DPP10: variants seen among roughly 807,000 people sequenced by gnomAD.
DPP10 encodes inactive dipeptidyl peptidase 10.
Under a neutral mutation model 120.9 loss-of-function variants are expected in DPP10, and 33 were observed. The ratio of observed to expected loss-of-function variants is 0.27; its 90% confidence interval spans 0.21 to 0.37. The LOEUF is 0.37. DPP10 is among the 10% of genes least tolerant of loss of function. The pLI is 1.00. For synonymous variants in DPP10, 337 were observed against 326.1 expected (o/e 1.03, Z -0.36); for missense variants, 816 against 942.8 (o/e 0.87, Z 1.76).
intron 1 of DPP10, among the ~76,000 whole-genome samples, chr2:115,229,067 A>G (rs2057597545): frequency 6.6e-6 from 1 of 152,132 alleles, no homozygotes; most frequent in Non-Finnish European, 1.5e-5. Context: ...AATAAAAGCC[A>G]TTTTAACTGG....
intron 1 of DPP10, among the ~76,000 whole-genome samples, chr2:114,554,053 G>A (rs1202965168): frequency 6.6e-6 from 1 of 152,190 alleles, no homozygotes; most frequent in Non-Finnish European, 1.5e-5. Context: ...AGATCATCAG[G>A]AACAACTTTT....
Position 115,558,828 on chromosome 2 carries a change from G to T in DPP10, c.441+32856G>T, listed in dbSNP as rs569577452. 5.3e-5 allele frequency among the ~76,000 whole-genome samples: 8 copies of T among 152,288 alleles called. No homozygotes were observed. The South Asian group carries it at 1.7e-3, about 32-fold the overall frequency. ...GGCAGTAGGGACTTGTAGGCATTTGGAGGGCTTCATTTTCCCATGTCAATT... is the reference window on the plus strand; with the variant it reads ...GGCAGTAGGGACTTGTAGGCATTTGTAGGGCTTCATTTTCCCATGTCAATT... On this transcript the variant is annotated intron_variant, in intron 5 of 25. Transcript: ENST00000410059.
At chr2:115,280,820 T>A (rs533479298) in intron 1 of DPP10, among the ~76,000 whole-genome samples, 2 of 152,194 alleles carry the variant, frequency 1.3e-5, no homozygotes, top group Non-Finnish European at 2.9e-5. Context: ...GTTTTGATTA[T>A]CCTAAATTCG....
intron 1 of DPP10, among the ~76,000 whole-genome samples, chr2:115,295,586 GTTCT>G (rs1219333413): frequency 1.3e-5 from 2 of 152,038 alleles, no homozygotes; most frequent in Non-Finnish European, 2.9e-5. Context: ...AATGTAATGT[GTTCT>G]TTCTTTCCTT....
At chr2:115,489,430 AC>A (rs2075974841) in intron 3 of DPP10, among the ~76,000 whole-genome samples, 1 of 151,904 alleles carries the variant, frequency 6.6e-6, no homozygotes, top group South Asian at 2.1e-4. Flanking sequence ...GGGATGTTGA[AC>A]CCTCTTCTTT....
Position 115,842,978 on chromosome 2 carries a change from G to A in DPP10, c.*633G>A, listed in dbSNP as rs553951872. 6 of 152,692 alleles carry A rather than the reference G, an allele frequency of 3.9e-5. No individual in the cohort carries two copies. In the East Asian group the frequency reaches 5.8e-4, roughly 15 times the overall value. 9.5% of individuals were successfully genotyped at this position (152,692 alleles called of 1,614,324 possible). ...ATACAATATCTTTAAATGAACACAC[G>A]AGTGTATGTCTCACAATATATATAC... On this transcript the variant is annotated 3_prime_UTR_variant, in exon 26 of 26. Coordinates refer to ENST00000410059, the MANE Select transcript of DPP10 (RefSeq NM_020868.6).
chr2:115,699,791 A>C (rs6542290), intron 7 of DPP10, among the ~76,000 whole-genome samples: 2 of 152,162 alleles, frequency 1.3e-5, no homozygotes, highest in African/African-American at 4.8e-5. Context: ...CAAAATACTA[A>C]TACAACAAAT....
intron 1 of DPP10, among the ~76,000 whole-genome samples, chr2:115,019,462 C>T (rs1003719544): frequency 6.6e-6 from 1 of 151,810 alleles, no homozygotes; most frequent in Non-Finnish European, 1.5e-5. Flanking sequence ...CCCAATCCAA[C>T]AAAAACAAGG....
chr2:114,855,014 A>G (rs1675978772), intron 1 of DPP10, among the ~76,000 whole-genome samples: 1 of 152,306 alleles, frequency 6.6e-6, no homozygotes, highest in South Asian at 2.1e-4. Context: ...GTAAGTTCAC[A>G]GAGAGAGAAA....
intron 1 of DPP10, among the ~76,000 whole-genome samples, chr2:115,276,189 TAGAG>T (rs1300053892): frequency 1.3e-5 from 2 of 152,072 alleles, no homozygotes; most frequent in Non-Finnish European, 2.9e-5. Flanking sequence ...GGTTGCCAAT[TAGAG>T]AGGGGAGTAT....
At chr2:114,615,751 G>A (rs1187290897) in intron 1 of DPP10, among the ~76,000 whole-genome samples, 1 of 152,088 alleles carries the variant, frequency 6.6e-6, no homozygotes. Context: ...GAGGGAAAAG[G>A]GAGAACCTGA....
At chr2:115,151,565 A>C (rs1193997767) in intron 1 of DPP10, among the ~76,000 whole-genome samples, 1 of 150,684 alleles carries the variant, frequency 6.6e-6, no homozygotes, top group Admixed American at 6.6e-5. Context: ...CTACCACCAC[A>C]CCTGGCTAAT....
intron 1 of DPP10, among the ~76,000 whole-genome samples, chr2:114,477,525 G>A (rs1233656546): frequency 6.0e-5 from 9 of 149,668 alleles, no homozygotes; most frequent in Middle Eastern, 7.0e-3. Context: ...GTGTATATAT[G>A]TATATATATA....
At chr2:115,467,642 G>A (rs75839480) in intron 3 of DPP10, among the ~76,000 whole-genome samples, 1,816 of 152,172 alleles carry the variant, frequency 0.012, 21 homozygotes, top group Non-Finnish European at 0.015. Flanking sequence ...ATTCCTGTGA[G>A]GTTGATTTAA....
chr2:114,751,859 C>T (rs1026778531), intron 1 of DPP10, among the ~76,000 whole-genome samples: 5 of 152,202 alleles, frequency 3.3e-5, no homozygotes, highest in African/African-American at 1.2e-4. Context: ...GACTCTACAC[C>T]AGTACTTTTT....
chr2:114,926,886 T>C (rs1447601148), intron 1 of DPP10, among the ~76,000 whole-genome samples: 1 of 148,592 alleles, frequency 6.7e-6, no homozygotes, highest in Non-Finnish European at 1.5e-5. Flanking sequence ...AGTCTCGCTA[T>C]GTCCCCCAGG....
At chr2:115,351,834 C>T (rs946366957) in intron 3 of DPP10, among the ~76,000 whole-genome samples, 1 of 151,838 alleles carries the variant, frequency 6.6e-6, no homozygotes, top group Non-Finnish European at 1.5e-5. Flanking sequence ...TGTGCTTTTA[C>T]CAAAGTTTAG....
chr2:115,322,782 A>G (rs1024900101), intron 2 of DPP10, among the ~76,000 whole-genome samples: 1 of 152,222 alleles, frequency 6.6e-6, no homozygotes, highest in African/African-American at 2.4e-5. Flanking sequence ...CACTGCATGT[A>G]AAAGTTATGT....
At chr2:115,001,752 G>A (rs904737439) in intron 1 of DPP10, among the ~76,000 whole-genome samples, 1 of 152,074 alleles carries the variant, frequency 6.6e-6, no homozygotes, top group South Asian at 2.1e-4. Context: ...CAAGCTGAGA[G>A]CCAAGTCAAG....
Sources: gnomAD v4.1 joint callset for allele counts (sites outside exome capture counted in the v4.1 genomes callset) on GRCh38, gnomAD v4.1.1 for gene constraint, MANE v1.5 for transcripts, NCBI Gene and HGNC (gene_info 2026-07-23, HGNC 2026-07-21) for gene names.